AKAP13: variants seen among roughly 807,000 people sequenced by gnomAD.
The protein encoded by AKAP13 is A-kinase anchoring protein 13, also known as A-kinase anchor protein 13.
In AKAP13, 80 loss-of-function variants were observed where a neutral mutation model predicts 264.5. The ratio of observed to expected loss-of-function variants is 0.30; its 90% CI spans 0.25 to 0.36. AKAP13 has a LOEUF of 0.36. Ranked by LOEUF, AKAP13 falls within the 10% of genes least tolerant of loss-of-function variation. The pLI, the probability that AKAP13 is intolerant of heterozygous loss-of-function variation, is 1.00. For synonymous variants in AKAP13, 1,380 were observed against 1,250.2 expected (o/e 1.10, Z -2.19); for missense variants, 3,712 against 3,435.2 (o/e 1.08, Z -2.01).
rs754813760 is a variant in AKAP13, at chr15:85,547,841, C to T, written c.662+3886C>T. Among the ~76,000 whole-genome samples the T allele has an allele frequency of 2.0e-5, 3 of 150,152 alleles. No individual in the cohort carries two copies. The South Asian group carries it at 6.2e-4, about 31-fold the overall frequency. On this transcript the variant is annotated intron_variant, in intron 5 of 36. Coordinates refer to ENST00000394518, the MANE Select transcript of AKAP13 (RefSeq NM_007200.5). ...TTCTGTCTTGCCTGAGAAATCTTAG[C>T]CCCAGAAGAGTACCCAAAACATGTA...
rs986972112 is a variant in AKAP13, at chr15:85,462,021, C to T, written c.-11-23689C>T. ...ATTCACTTATCCTGCCTTAATTTGC[C>T]AACTATAAACCTGGATAAAGTACAA... is the stretch of plus-strand genomic sequence containing the variant. On this transcript the variant is annotated intron_variant, in intron 1 of 36. Transcript: ENST00000394518. 3.9e-5 allele frequency among the ~76,000 whole-genome samples: 6 copies of T among 152,050 alleles called. No homozygotes were observed. In the East Asian group the frequency reaches 1.2e-3, roughly 29 times the overall value.
rs760718565 is a variant in AKAP13, at chr15:85,580,159, A to G, written c.2091A>G (p.Gln697=). The stretch of plus-strand genomic sequence containing the variant: ...AGTCCGAAAGCACCACAGCAAGGCA[A>G]CCCAGCTCACAAGATCCACCCGATG... ...VSESESTTAR[Q]PSSQDPPDAS... is the part of the protein sequence containing the mutation. Residue 697 remains glutamine, a synonymous_variant, in exon 7 of 37, where the codon CAA becomes CAG. Transcript: ENST00000394518. 13 of 1,614,088 alleles carry G rather than the reference A, an allele frequency of 8.1e-6. No homozygotes were observed. Among genetic ancestry groups the G allele is most frequent in the Non-Finnish European group, 1.0e-5 (12 of 1,180,042 alleles).
chr15:85,501,696 G>A (rs2076041497), intron 2 of AKAP13, among the ~76,000 whole-genome samples: 1 of 152,172 alleles, frequency 6.6e-6, no homozygotes, highest in African/African-American at 2.4e-5. Context: ...AAGTATCAGA[G>A]AACTTTTGTC....
At chr15:85,738,624 G>A (rs1368633678) in intron 33 of AKAP13, among the ~76,000 whole-genome samples, 1 of 151,800 alleles carries the variant, frequency 6.6e-6, no homozygotes. Flanking sequence ...GGATCATGAG[G>A]TCAGGAGATC....
Position 85,477,636 on chromosome 15 carries a change from G to GAAAA in AKAP13, c.-11-8074_-11-8073insAAAA, listed in dbSNP as rs1567077572. On this transcript the variant is annotated intron_variant, in intron 1 of 36. Coordinates refer to ENST00000394518, the MANE Select transcript of AKAP13 (RefSeq NM_007200.5). ...GAAATTTGAACTGAGCTTAAAAAAAGGAAAAAAAAAAAAAAAAAAAAAGGC... is the reference window on the plus strand; with the variant it reads ...GAAATTTGAACTGAGCTTAAAAAAAGAAAAGAAAAAAAAAAAAAAAAAAAAAGGC... Among the ~76,000 whole-genome samples, 4 of 34,310 alleles carry GAAAA rather than the reference G, an allele frequency of 1.2e-4. 1 individual carries two copies. The highest frequency in any genetic ancestry group is 2.9e-4 in the Admixed American group (1 of 3,446). The allele number at this position is 34,310 out of a possible 152,430, so 22.5% of individuals were successfully genotyped here.
At chr15:85,740,794 G>GTAA (rs2088918037) in intron 34 of AKAP13, among the ~76,000 whole-genome samples, 1 of 51,114 alleles carries the variant, frequency 2.0e-5, no homozygotes, top group African/African-American at 8.3e-5. Flanking sequence ...CCCACCCCAG[G>GTAA]TAATACCACT....
At chr15:85,624,555 T>A (rs7179371) in intron 8 of AKAP13, 69,300 of 152,036 alleles carry the variant, frequency 0.46, 16,126 homozygotes, top group East Asian at 0.59. Flanking sequence ...ACTCAGATAC[T>A]GTCCAATTCC....
At chr15:85,723,046 AAAC>A in intron 25 of AKAP13, 23 bp from the exon 26 acceptor site, 1 of 1,603,072 alleles carries the variant, frequency 6.2e-7, no homozygotes, top group Non-Finnish European at 8.5e-7. Flanking sequence ...GAGCCATAAA[AAAC>A]AGAATTATTC....
chr15:85,705,248 A>C (rs1268128649), intron 17 of AKAP13, among the ~76,000 whole-genome samples: 1 of 152,178 alleles, frequency 6.6e-6, no homozygotes, highest in East Asian at 1.9e-4. Context: ...ACTCCCTTAA[A>C]AATCATCATT....
intron 17 of AKAP13, among the ~76,000 whole-genome samples, chr15:85,694,637 G>C (rs1021729205): frequency 6.6e-6 from 1 of 152,230 alleles, no homozygotes; most frequent in African/African-American, 2.4e-5. Flanking sequence ...TTTGCTGTAA[G>C]GCAGTGCATC....
intron 1 of AKAP13, among the ~76,000 whole-genome samples, chr15:85,436,104 A>AT (rs1379017933): frequency 1.6e-5 from 2 of 122,454 alleles, no homozygotes; most frequent in African/African-American, 6.4e-5. Flanking sequence ...TAGGCTCAAA[A>AT]TAAAAGGATG....
chr15:85,525,943 C>T (rs2077024868), intron 3 of AKAP13, among the ~76,000 whole-genome samples: 1 of 152,106 alleles, frequency 6.6e-6, no homozygotes, highest in Admixed American at 6.5e-5. Flanking sequence ...TTGTAAAAGG[C>T]TTTGGTGCAG....
At position 85,722,256 on chromosome 15, in the gene AKAP13, A is replaced by G; in HGVS notation, c.6405A>G (p.Arg2135=). The change falls in exon 25 of 37, where the codon AGA becomes AGG. Residue 2135 remains arginine (R), a synonymous_variant. Coordinates refer to ENST00000394518, the MANE Select transcript of AKAP13 (RefSeq NM_007200.5). ...VKKKMSSSVV[R]RLGIPECILL... is the part of the protein sequence containing the mutation. ...AGAAGATGAGCAGTTCAGTTGTTAGAAGGCTTGGAATTCCAGAGTGCATAT... is the reference window on the plus strand; with the variant it reads ...AGAAGATGAGCAGTTCAGTTGTTAGGAGGCTTGGAATTCCAGAGTGCATAT... The G allele has an allele frequency of 6.2e-7, 1 of 1,613,694 alleles. No homozygotes were observed. The highest frequency in any genetic ancestry group is 8.5e-7 in the Non-Finnish European group (1 of 1,179,820).
At chr15:85,672,307 C>CT (rs1459088943) in intron 14 of AKAP13, among the ~76,000 whole-genome samples, 1 of 152,248 alleles carries the variant, frequency 6.6e-6, no homozygotes, top group Non-Finnish European at 1.5e-5. Context: ...CTTAATGTCA[C>CT]TATTTCTCCT....
chr15:85,498,607 AC>A (rs1369753726), intron 2 of AKAP13, among the ~76,000 whole-genome samples: 2 of 61,202 alleles, frequency 3.3e-5, no homozygotes, highest in African/African-American at 1.2e-4. Flanking sequence ...CTTGATGCTT[AC>A]ATCACATCTA....
intron 6 of AKAP13, among the ~76,000 whole-genome samples, chr15:85,575,657 A>G (rs1210124015): frequency 1.3e-5 from 2 of 151,794 alleles, no homozygotes; most frequent in South Asian, 2.1e-4. Context: ...ACGCCATTGC[A>G]CTCTAGCCTG....
chr15:85,648,028 T>TA (rs11392779), intron 10 of AKAP13, among the ~76,000 whole-genome samples: 17,481 of 151,938 alleles, frequency 0.12, 1,235 homozygotes, highest in East Asian at 0.21. Context: ...TTATTTTATT[T>TA]TTTTTTTAAT....
At chr15:85,598,814 G>C (rs534133532) in intron 8 of AKAP13, among the ~76,000 whole-genome samples, 1 of 152,288 alleles carries the variant, frequency 6.6e-6, no homozygotes, top group South Asian at 2.1e-4. Context: ...CCTTCTAGTA[G>C]CATTGTAACA....
At position 85,645,961 on chromosome 15, in the gene AKAP13, T is replaced by A. The variant is rs368715986; in HGVS notation, c.4374+7T>A. Reference sequence around the variant, plus strand: ...CAGCATCATCTTCCCAAAGGTACTGTGTGGACCTTCCTTTCATTTTTGTCA... The same window carrying A: ...CAGCATCATCTTCCCAAAGGTACTGAGTGGACCTTCCTTTCATTTTTGTCA... On this transcript the variant is annotated splice_region_variant and intron_variant, in intron 10 of 36. Coordinates refer to ENST00000394518, the MANE Select transcript of AKAP13 (RefSeq NM_007200.5). 1 of 1,603,468 alleles carries A rather than the reference T, an allele frequency of 6.2e-7. No homozygotes were observed. The highest frequency in any genetic ancestry group is 1.3e-5 in the African/African-American group (1 of 74,370).
Sources: allele counts gnomAD v4.1 joint callset (sites outside exome capture counted in the v4.1 genomes callset), GRCh38; gene constraint gnomAD v4.1.1; transcripts MANE v1.5; gene names NCBI Gene and HGNC (gene_info 2026-07-23, HGNC 2026-07-21).